KCNN2: variants seen among roughly 807,000 people sequenced by gnomAD.
KCNN2 encodes potassium calcium-activated channel subfamily N member 2.
KCNN2 carries 24 observed loss-of-function variants against 55.5 expected under a neutral mutation model. That is an observed-to-expected ratio of 0.43 (90% CI 0.31 to 0.61). The LOEUF (loss-of-function observed/expected upper bound fraction) is 0.61. Ranked by LOEUF, KCNN2 falls within the 20% of genes least tolerant of loss-of-function variation. The pLI is 0.08. For missense variants in KCNN2, 754 were observed against 853.6 expected (o/e 0.88, Z 1.45); for synonymous variants, 431 against 336.1 (o/e 1.28, Z -3.09).
At chr5:114,102,510 C>T (rs1359793471) in intron 1 of KCNN2, among the ~76,000 whole-genome samples, 1 of 152,088 alleles carries the variant, frequency 6.6e-6, no homozygotes, top group Non-Finnish European at 1.5e-5. Flanking sequence ...AAGGCCTTGC[C>T]CATTCCTATG....
At chr5:114,486,976 A>C (rs1747582593) in intron 5 of KCNN2, 74 bp from the exon 6 acceptor site, 1 of 1,536,618 alleles carries the variant, frequency 6.5e-7, no homozygotes, top group Non-Finnish European at 9.0e-7. Flanking sequence ...TGGGATGAAG[A>C]CTATGACCCC....
chr5:114,110,280 G>A (rs1231394635), intron 1 of KCNN2, among the ~76,000 whole-genome samples: 2 of 151,456 alleles, frequency 1.3e-5, no homozygotes, highest in African/African-American at 4.9e-5. Context: ...ATGGGTCTAA[G>A]ACATAACCAT....
intron 2 of KCNN2, among the ~76,000 whole-genome samples, chr5:114,347,580 G>C (rs1299131324): frequency 6.6e-6 from 1 of 152,116 alleles, no homozygotes; most frequent in Non-Finnish European, 1.5e-5. Context: ...TATTTCAGTG[G>C]TTTGGTATAT....
chr5:114,453,423 C>T (rs1760780617), intron 3 of KCNN2, among the ~76,000 whole-genome samples: 2 of 152,178 alleles, frequency 1.3e-5, no homozygotes, highest in South Asian at 4.1e-4. Context: ...CTCTTAGAAA[C>T]TTTTTAAGAT....
At chr5:114,462,762 C>T (rs978209461) in intron 3 of KCNN2, among the ~76,000 whole-genome samples, 2 of 152,210 alleles carry the variant, frequency 1.3e-5, no homozygotes, top group Middle Eastern at 3.4e-3. Flanking sequence ...GGGCAGGGGC[C>T]GGAGGAGTCT....
intron 1 of KCNN2, among the ~76,000 whole-genome samples, chr5:114,131,590 A>G (rs1197831605): frequency 1.3e-5 from 2 of 152,196 alleles, no homozygotes; most frequent in East Asian, 3.8e-4. Flanking sequence ...TGCACTGAAC[A>G]CACGCATGCA....
At chr5:114,295,489 G>T (rs1755991010) in intron 2 of KCNN2, among the ~76,000 whole-genome samples, 1 of 152,164 alleles carries the variant, frequency 6.6e-6, no homozygotes, top group African/African-American at 2.4e-5. Context: ...CCATGGGCAT[G>T]GGACCCTCCG....
upstream of KCNN2, among the ~76,000 whole-genome samples, chr5:114,360,357 A>G (rs985564322): frequency 6.6e-6 from 1 of 152,238 alleles, no homozygotes; most frequent in Non-Finnish European, 1.5e-5. Flanking sequence ...GCTGCCGAGT[A>G]GAATATCAAG....
intron 2 of KCNN2, among the ~76,000 whole-genome samples, chr5:114,393,452 CTGTT>C (rs540714069): frequency 1.6e-4 from 24 of 152,208 alleles, no homozygotes; most frequent in African/African-American, 4.3e-4. Context: ...TACATGTAGA[CTGTT>C]TGTTAGGATT....
chr5:114,374,858 T>C (rs1757885852), intron 2 of KCNN2, among the ~76,000 whole-genome samples: 1 of 152,200 alleles, frequency 6.6e-6, no homozygotes, highest in South Asian at 2.1e-4. Context: ...TTTGCCTGAT[T>C]ATGTAGCTAT....
chr5:114,091,396 T>A (rs1751141580), intron 1 of KCNN2, among the ~76,000 whole-genome samples: 1 of 152,126 alleles, frequency 6.6e-6, no homozygotes, highest in African/African-American at 2.4e-5. Flanking sequence ...ACCTGAAATA[T>A]CCAAATTGAT....
At chr5:114,285,141 G>A (rs555206326) in intron 2 of KCNN2, among the ~76,000 whole-genome samples, 3 of 151,614 alleles carry the variant, frequency 2.0e-5, no homozygotes, top group South Asian at 2.1e-4. Context: ...AAAATTAGCC[G>A]GGTGTGGTGG....
intron 1 of KCNN2, among the ~76,000 whole-genome samples, chr5:114,194,972 G>T: frequency 6.7e-6 from 1 of 149,340 alleles, no homozygotes; most frequent in African/African-American, 2.5e-5. Context: ...CAATTGTCTT[G>T]GCACCATTGT....
At chr5:114,234,508 T>C (rs1754433375) in intron 2 of KCNN2, among the ~76,000 whole-genome samples, 1 of 152,242 alleles carries the variant, frequency 6.6e-6, no homozygotes, top group South Asian at 2.1e-4. Flanking sequence ...ATTGAACTAA[T>C]GCAGTATATC....
intron 2 of KCNN2, among the ~76,000 whole-genome samples, chr5:114,244,520 C>T (rs889509089): frequency 1.3e-5 from 2 of 151,742 alleles, no homozygotes; most frequent in Non-Finnish European, 2.9e-5. Flanking sequence ...TTGCTTGAAC[C>T]CGGGAGGCGG....
At chr5:114,185,557 G>A (rs1365095218) in intron 1 of KCNN2, among the ~76,000 whole-genome samples, 1 of 152,192 alleles carries the variant, frequency 6.6e-6, no homozygotes, top group Non-Finnish European at 1.5e-5. Flanking sequence ...TGGCCTTGTG[G>A]AGGATCCCTG....
At chr5:114,304,331 C>G (rs1421357582) in intron 2 of KCNN2, among the ~76,000 whole-genome samples, 1 of 152,142 alleles carries the variant, frequency 6.6e-6, no homozygotes, top group Non-Finnish European at 1.5e-5. Context: ...TCATGGGAGT[C>G]TGGGCCATCT....
At chr5:114,364,995 G>A (rs1442140409) in intron 2 of KCNN2, among the ~76,000 whole-genome samples, 3 of 151,560 alleles carry the variant, frequency 2.0e-5, no homozygotes, top group Non-Finnish European at 1.5e-5. Context: ...GATTTAAGCT[G>A]CCTTTCAATT....
intron 3 of KCNN2, among the ~76,000 whole-genome samples, chr5:114,419,035 C>T (rs182388151): frequency 7.9e-5 from 12 of 152,242 alleles, no homozygotes; most frequent in African/African-American, 2.9e-4. Context: ...AGCTCTTTAT[C>T]CAGTTTTAGT....
Sources: allele counts gnomAD v4.1 joint callset (sites outside exome capture counted in the v4.1 genomes callset), GRCh38; gene constraint gnomAD v4.1.1; transcripts MANE v1.5; gene names NCBI Gene and HGNC (gene_info 2026-07-23, HGNC 2026-07-21).